The following ZNF557 variants were observed in gnomAD, a reference collection of about 807,000 sequenced individuals.
ZNF557 encodes the protein CTB-25J19.9.
ZNF557 carries 19 observed loss-of-function variants against 21.2 expected under a neutral mutation model. The ratio of observed to expected loss-of-function variants is 0.90; its 90% confidence interval spans 0.63 to 1.32. The LOEUF is 1.32. Ranked by LOEUF, ZNF557 falls within the 40% of genes most tolerant of loss-of-function variation. The pLI, the probability that ZNF557 is intolerant of heterozygous loss-of-function variation, is 0.00. For missense variants in ZNF557, 487 were observed against 519.8 expected (o/e 0.94, Z 0.61); for synonymous variants, 207 against 194.8 (o/e 1.06, Z -0.52).
chr19:7,075,704 C>CG lies in ZNF557; in HGVS notation c.83dup (p.Glu29ArgfsTer4). On this transcript the variant is annotated frameshift_variant, in exon 4 of 8. Transcript: ENST00000252840. LOFTEE classifies it high-confidence loss of function. Reference sequence around the variant, plus strand: ...CTCAGCGAGAAGGACACACAGAGGGCGGAGAGCTGGTTAATGAGCTCCTGA... The same window carrying CG: ...CTCAGCGAGAAGGACACACAGAGGGCGGGAGAGCTGGTTAATGAGCTCCTGA... 1 of 1,613,580 alleles carries CG rather than the reference C, an allele frequency of 6.2e-7. No individual in the cohort carries two copies. The highest frequency in any genetic ancestry group is 8.5e-7 in the Non-Finnish European group (1 of 1,179,644).
chr19:7,071,202 GT>G (rs113338034), intron 2 of ZNF557, among the ~76,000 whole-genome samples: 3 of 151,366 alleles, frequency 2.0e-5, no homozygotes, highest in Admixed American at 6.6e-5. Context: ...CTATTTAAAA[GT>G]TTTTTTTTCA....
Position 7,087,220 on chromosome 19 carries a change from T to TG in ZNF557, c.*3476_*3477insG. 9.6e-6 allele frequency: 1 copy of TG among 104,474 alleles called. No individual in the cohort carries two copies. Among genetic ancestry groups the TG allele is most frequent in the Non-Finnish European group, 2.0e-5 (1 of 49,474 alleles). 6.5% of individuals were successfully genotyped at this position (104,474 alleles called of 1,614,324 possible). A position where few individuals can be genotyped will look rare whatever the true frequency, so the allele number is the denominator to read the frequency against. Reference sequence around the variant, plus strand: ...AAAAGAGCTTTTTTTTTTTTTTTTTTTTTTTTCTTCACTGTGGTGATAAAA... The same window carrying TG: ...AAAAGAGCTTTTTTTTTTTTTTTTTTGTTTTTTCTTCACTGTGGTGATAAAA... On this transcript the variant is annotated 3_prime_UTR_variant, in exon 8 of 8. Coordinates refer to ENST00000252840, the MANE Select transcript of ZNF557 (RefSeq NM_024341.3).
intron 7 of ZNF557, 140 bp from the exon 8 acceptor site, chr19:7,082,738 G>A (rs1408946642): frequency 2.9e-6 from 2 of 696,928 alleles, no homozygotes; most frequent in Non-Finnish European, 4.5e-6. Flanking sequence ...CAGAAGCCAT[G>A]TACCAGCACT....
chr19:7,072,532 C>T (rs887926411), intron 2 of ZNF557, among the ~76,000 whole-genome samples: 15 of 152,188 alleles, frequency 9.9e-5, no homozygotes, highest in African/African-American at 3.4e-4. Context: ...CTTTATAATA[C>T]CTTTCAAAAT....
intron 5 of ZNF557, among the ~76,000 whole-genome samples, chr19:7,078,206 C>G (rs1021253591): frequency 3.3e-5 from 5 of 152,118 alleles, no homozygotes; most frequent in Non-Finnish European, 7.4e-5. Context: ...CTTGCGGCCT[C>G]CATGGTTTCT....
rs139234047 is a variant in ZNF557, at chr19:7,085,094, AG to A, written c.*1351del. ...ATTTTTAAGAAGTGAGATTCATACT[AG>A]AAAAACCATTGAATTCCATCAGTAT... On this transcript the variant is annotated 3_prime_UTR_variant, in exon 8 of 8. Transcript: ENST00000252840. 6 of 152,380 alleles carry A rather than the reference AG, an allele frequency of 3.9e-5. No individual in the cohort carries two copies. The East Asian group carries it at 1.2e-3, about 29-fold the overall frequency. 9.4% of individuals were successfully genotyped at this position (152,380 alleles called of 1,614,324 possible). A position where few individuals can be genotyped will look rare whatever the true frequency, so the allele number is the denominator to read the frequency against.
intron 4 of ZNF557, 22 bp downstream of exon 4, chr19:7,075,765 C>T (rs1481696624): frequency 6.2e-7 from 1 of 1,610,776 alleles, no homozygotes; most frequent in South Asian, 1.1e-5. Flanking sequence ...GTTCCTTTTT[C>T]CAAATCATGA....
chr19:7,083,155 C>A lies in ZNF557; in HGVS notation c.704C>A (p.Pro235His). 1 of 1,614,142 alleles carries A rather than the reference C, an allele frequency of 6.2e-7. No individual in the cohort carries two copies. Residue 235 changes from proline to histidine, a missense_variant, in exon 8 of 8, where the codon CCC becomes CAC. Coordinates refer to ENST00000252840, the MANE Select transcript of ZNF557 (RefSeq NM_024341.3). ...AAGAGAATCCACAATGGGGAGAAAC[C>A]CTACGAATGCAGTGACTGTGGGAAA... ...VHKRIHNGEK[P>H]YECSDCGKTF... is the part of the protein sequence containing the mutation.
chr19:7,081,039 A>T (rs1977687304), intron 5 of ZNF557, among the ~76,000 whole-genome samples: 3 of 151,886 alleles, frequency 2.0e-5, no homozygotes, highest in Admixed American at 2.0e-4. Context: ...TCTTTCCCTG[A>T]CTATATATTC....
chr19:7,086,618 C>T lies in ZNF557; in HGVS notation c.*2874C>T, dbSNP rs1977854888. On this transcript the variant is annotated 3_prime_UTR_variant, in exon 8 of 8. Transcript: ENST00000252840. Reference sequence around the variant, plus strand: ...CCTCGTGATCCACCTGCCTCGGCCTCCCAAAGCACTGGGATTACAGGCGTG... The same window carrying T: ...CCTCGTGATCCACCTGCCTCGGCCTTCCAAAGCACTGGGATTACAGGCGTG... 1 of 149,086 alleles carries T rather than the reference C, an allele frequency of 6.7e-6. No individual in the cohort carries two copies. Among genetic ancestry groups the T allele is most frequent in the Admixed American group, 6.8e-5 (1 of 14,808 alleles). The allele number at this position is 149,086 out of a possible 1,614,324, so 9.2% of individuals were successfully genotyped here. A position where few individuals can be genotyped will look rare whatever the true frequency, so the allele number is the denominator to read the frequency against.
chr19:7,074,578 G>C (rs56213804), intron 2 of ZNF557, among the ~76,000 whole-genome samples: 1 of 150,772 alleles, frequency 6.6e-6, no homozygotes, highest in East Asian at 2.0e-4. Flanking sequence ...GGAACCTAGG[G>C]TCTCTGATAG....
chr19:7,074,208 A>G (rs903598760), intron 2 of ZNF557, among the ~76,000 whole-genome samples: 2 of 151,660 alleles, frequency 1.3e-5, no homozygotes, highest in East Asian at 3.9e-4. Flanking sequence ...GGGTTTCACC[A>G]TGTTAGCCAG....
chr19:7,078,582 C>A (rs1977630671), intron 5 of ZNF557, among the ~76,000 whole-genome samples: 1 of 152,034 alleles, frequency 6.6e-6, no homozygotes, highest in South Asian at 2.1e-4. Context: ...CAAACGCGCA[C>A]CACCACAGCT....
intron 5 of ZNF557, among the ~76,000 whole-genome samples, chr19:7,077,612 T>C (rs975988286): frequency 3.3e-5 from 5 of 152,100 alleles, no homozygotes; most frequent in African/African-American, 1.2e-4. Context: ...TGATCATTCA[T>C]ATACAAGATT....
chr19:7,075,815 G>T, intron 4 of ZNF557, 72 bp downstream of exon 4: 15 of 1,575,830 alleles, frequency 9.5e-6, no homozygotes, highest in Non-Finnish European at 1.3e-5. Flanking sequence ...CCTTTCAGTG[G>T]CCTGGAGCCC....
At position 7,075,742 on chromosome 19, in the gene ZNF557, A is replaced by C. The variant is rs1012121516; in HGVS notation, c.119A>C (p.Lys40Thr). 1.9e-6 allele frequency: 3 copies of C among 1,612,870 alleles called. No homozygotes were observed. Among genetic ancestry groups the C allele is most frequent in the Non-Finnish European group, 8.5e-7 (1 of 1,179,220 alleles). ...AATGAGCTCCTGAAAAGCTGGCTAA[A>C]GGTGAGTCGGATGTTCCTTTTTCCA... ...LVNELLKSWL[K>T]GLVTFEDVAV... The change falls in exon 4 of 8, where the codon AAG becomes ACG. Residue 40 changes from lysine to threonine, a missense_variant and splice_region_variant. Coordinates refer to ENST00000252840, the MANE Select transcript of ZNF557 (RefSeq NM_024341.3).
At chr19:7,079,433 G>GTAGAGAT (rs965828305) in intron 5 of ZNF557, among the ~76,000 whole-genome samples, 1 of 67,958 alleles carries the variant, frequency 1.5e-5, no homozygotes, top group East Asian at 7.2e-4. Flanking sequence ...AGTAGAGACA[G>GTAGAGAT]GGTTCACCGT....
intron 3 of ZNF557, 86 bp from the exon 4 acceptor site, chr19:7,075,569 G>A (rs1386436297): frequency 1.3e-5 from 18 of 1,351,240 alleles, no homozygotes; most frequent in African/African-American, 5.8e-5. Flanking sequence ...GGACCTGGTC[G>A]ATCGCAGGCA....
chr19:7,079,276 C>T (rs1200381063), intron 5 of ZNF557, among the ~76,000 whole-genome samples: 1 of 129,992 alleles, frequency 7.7e-6, no homozygotes, highest in African/African-American at 2.9e-5. Context: ...GAGTCTCACT[C>T]TGTCACCCAG....
Sources: gnomAD v4.1 joint callset for allele counts (sites outside exome capture counted in the v4.1 genomes callset) on GRCh38, gnomAD v4.1.1 for gene constraint, MANE v1.5 for transcripts, NCBI Gene and HGNC (gene_info 2026-07-23, HGNC 2026-07-21) for gene names.